BTBD8: variants seen among roughly 807,000 people sequenced by gnomAD.
BTBD8 encodes the protein BTB domain containing 8, also known as BTB/POZ domain-containing protein 8.
Under a neutral mutation model 162.9 loss-of-function variants are expected in BTBD8, and 110 were observed. The ratio of observed to expected loss-of-function variants is 0.68; its 90% CI spans 0.58 to 0.79. BTBD8 has a LOEUF of 0.79. BTBD8 is among the 30% of genes least tolerant of loss of function. BTBD8 has a pLI of 0.00. For synonymous variants in BTBD8, 667 were observed against 716.1 expected, an observed-to-expected ratio of 0.93 and a Z score of 1.10; for missense variants, 1,905 against 2,085.4, an observed-to-expected ratio of 0.91 and a Z score of 1.68.
chr1:92,154,578 G>A (rs549789965), intron 9 of BTBD8, among the ~76,000 whole-genome samples: 2 of 152,230 alleles, frequency 1.3e-5, no homozygotes, highest in East Asian at 1.9e-4. Flanking sequence ...CCATTTGTAT[G>A]TCATCTTTGG....
intron 6 of BTBD8, among the ~76,000 whole-genome samples, chr1:92,140,272 A>G (rs953648208): frequency 3.3e-5 from 5 of 149,376 alleles, no homozygotes; most frequent in Admixed American, 6.7e-5. Context: ...AAAAAAAACC[A>G]AAAAGAATAT....
rs1473572277 is a variant in BTBD8, at chr1:92,129,585, A to G, written c.663-102A>G. 1.8e-5 allele frequency: 16 copies of G among 874,522 alleles called. No homozygotes were observed. In the South Asian group the frequency reaches 2.1e-4, roughly 11 times the overall value. 54.2% of individuals were successfully genotyped at this position (874,522 alleles called of 1,614,324 possible). On this transcript the variant is annotated intron_variant, in intron 4 of 17. Coordinates refer to ENST00000636805, the MANE Select transcript of BTBD8 (RefSeq NM_001376131.1). ...CTATGAATACAAACAAAACAAATAGATTATTGTGTTTTAATACATAAAGAT... is the reference window on the plus strand; with the variant it reads ...CTATGAATACAAACAAAACAAATAGGTTATTGTGTTTTAATACATAAAGAT...
intron 9 of BTBD8, among the ~76,000 whole-genome samples, chr1:92,151,256 A>G (rs1033837476): frequency 1.3e-5 from 2 of 151,132 alleles, no homozygotes; most frequent in African/African-American, 4.9e-5. Context: ...CGGGAGGCTG[A>G]GGCAGGAGAA....
intron 5 of BTBD8, 85 bp downstream of exon 5, chr1:92,129,861 C>A: frequency 8.8e-7 from 1 of 1,138,416 alleles, no homozygotes; most frequent in Non-Finnish European, 1.3e-6. Context: ...ATCTGATTTC[C>A]CTGGATGTTC....
intron 4 of BTBD8, 80 bp downstream of exon 4, chr1:92,108,081 G>A (rs1423851452): frequency 7.5e-7 from 1 of 1,332,226 alleles, no homozygotes; most frequent in Non-Finnish European, 1.1e-6. Flanking sequence ...CAGCACGGTG[G>A]TTTTCAAACT....
At chr1:92,138,063 G>T (rs1048665389) in intron 5 of BTBD8, among the ~76,000 whole-genome samples, 4 of 152,130 alleles carry the variant, frequency 2.6e-5, no homozygotes, top group Non-Finnish European at 5.9e-5. Flanking sequence ...AAGGCGGTAG[G>T]TAAGACTAGT....
At chr1:92,124,417 G>A (rs757642064) in intron 4 of BTBD8, among the ~76,000 whole-genome samples, 60 of 152,252 alleles carry the variant, frequency 3.9e-4, no homozygotes, top group Middle Eastern at 3.4e-3. Flanking sequence ...ATATTGTTCC[G>A]TGTATCTCAT....
At chr1:92,173,577 C>T (rs915352318) in intron 13 of BTBD8, among the ~76,000 whole-genome samples, 3 of 152,184 alleles carry the variant, frequency 2.0e-5, no homozygotes, top group African/African-American at 7.2e-5. Flanking sequence ...TCCTCATCCT[C>T]CTGACTTTGT....
At chr1:92,149,575 A>G (rs1570745942) in intron 9 of BTBD8, among the ~76,000 whole-genome samples, 1 of 152,192 alleles carries the variant, frequency 6.6e-6, no homozygotes, top group Non-Finnish European at 1.5e-5. Flanking sequence ...TCCTTCTTGT[A>G]TGTTTCTAGT....
chr1:92,167,446 C>T (rs564834650), intron 10 of BTBD8, among the ~76,000 whole-genome samples: 2 of 152,298 alleles, frequency 1.3e-5, no homozygotes, highest in South Asian at 2.1e-4. Context: ...ACTGTTTTGG[C>T]CAGTAATACA....
intron 2 of BTBD8, among the ~76,000 whole-genome samples, chr1:92,101,180 T>C (rs1648582490): frequency 6.6e-6 from 1 of 152,234 alleles, no homozygotes; most frequent in Non-Finnish European, 1.5e-5. Context: ...ATATGATGTT[T>C]TCTAATCCTG....
Position 92,176,855 on chromosome 1 carries a change from T to G in BTBD8, c.1662T>G (p.Gly554=), listed in dbSNP as rs777612551. The G allele has an allele frequency of 4.1e-6, 6 of 1,461,722 alleles. No homozygotes were observed. Among genetic ancestry groups the G allele is most frequent in the Non-Finnish European group, 5.4e-6 (6 of 1,104,766 alleles). The allele number at this position is 1,461,722 out of a possible 1,614,324, so 90.5% of individuals were successfully genotyped here. Reference sequence around the variant, plus strand: ...AAAGGAAACAAGTTTCTGACTCTGGTGATATAAAAATCAAATCTTGGAGGG... The same window carrying G: ...AAAGGAAACAAGTTTCTGACTCTGGGGATATAAAAATCAAATCTTGGAGGG... The part of the protein sequence containing the change: ...SQQRKQVSDS[G]DIKIKSWRGN... The change falls in exon 14 of 18, where the codon GGT becomes GGG. Residue 554 remains glycine (G), a synonymous_variant. Coordinates refer to ENST00000636805, the MANE Select transcript of BTBD8 (RefSeq NM_001376131.1).
At chr1:92,167,221 G>A in intron 10 of BTBD8, 81 bp downstream of exon 10, 1 of 1,476,742 alleles carries the variant, frequency 6.8e-7, no homozygotes, top group Middle Eastern at 1.8e-4. Flanking sequence ...TTAAATGCAG[G>A]TTGCTTTTGA....
intron 1 of BTBD8, among the ~76,000 whole-genome samples, chr1:92,083,677 C>A (rs1317769848): frequency 1.3e-5 from 2 of 151,898 alleles, no homozygotes; most frequent in South Asian, 4.2e-4. Flanking sequence ...GGAGAACCAT[C>A]GGTGTTTTTA....
intron 9 of BTBD8, among the ~76,000 whole-genome samples, chr1:92,164,927 C>T (rs910802555): frequency 3.3e-5 from 5 of 151,876 alleles, no homozygotes; most frequent in African/African-American, 1.2e-4. Context: ...GCTGGGATTA[C>T]AGGTGTGAGC....
chr1:92,142,492 T>C (rs1649801710), intron 7 of BTBD8, among the ~76,000 whole-genome samples: 1 of 152,190 alleles, frequency 6.6e-6, no homozygotes, highest in Middle Eastern at 3.2e-3. Flanking sequence ...CCAGTGAGAA[T>C]ATACTTGAGT....
intron 4 of BTBD8, among the ~76,000 whole-genome samples, chr1:92,113,998 T>A (rs2101912954): frequency 1.7e-5 from 2 of 119,138 alleles, no homozygotes; most frequent in South Asian, 2.8e-4. Context: ...GACGACAGAG[T>A]GAGACTCCGT....
At chr1:92,155,961 G>A (rs1650151665) in intron 9 of BTBD8, among the ~76,000 whole-genome samples, 1 of 152,070 alleles carries the variant, frequency 6.6e-6, no homozygotes. Context: ...GGGCTTCCAG[G>A]ACTATGTTGA....
chr1:92,116,857 CTT>C (rs112709043), intron 4 of BTBD8, among the ~76,000 whole-genome samples: 7 of 141,964 alleles, frequency 4.9e-5, no homozygotes, highest in Admixed American at 2.1e-4. Flanking sequence ...TACCATTGTA[CTT>C]TTTTTTTTTT....
Sources: gnomAD v4.1 joint callset for allele counts (sites outside exome capture counted in the v4.1 genomes callset) on GRCh38, gnomAD v4.1.1 for gene constraint, MANE v1.5 for transcripts, NCBI Gene and HGNC (gene_info 2026-07-23, HGNC 2026-07-21) for gene names.